ANXA8: variants seen among roughly 807,000 people sequenced by gnomAD.
ANXA8 encodes VAC-beta.
Under a neutral mutation model 26.8 loss-of-function variants are expected in ANXA8, and 9 were observed. The observed-to-expected ratio is 0.34, with a 90% CI of 0.20 to 0.59. ANXA8 has a LOEUF of 0.59. ANXA8 is among the 20% of genes least tolerant of loss of function. The pLI is 0.84. For missense variants in ANXA8, 83 were observed against 238.5 expected, an observed-to-expected ratio of 0.35 and a Z score of 4.29; for synonymous variants, 39 against 94.8, an observed-to-expected ratio of 0.41 and a Z score of 3.42.
chr10:47,618,935 C>T, the ANXA8 span, among the ~76,000 whole-genome samples: 2 of 115,132 alleles, frequency 1.7e-5, no homozygotes, highest in South Asian at 2.7e-4. Flanking sequence ...TACTAAGAAG[C>T]CCTCTTGCTT....
the ANXA8 span, among the ~76,000 whole-genome samples, chr10:47,619,196 G>T: frequency 8.9e-6 from 1 of 112,930 alleles, no homozygotes; most frequent in African/African-American, 3.4e-5. Context: ...GCAGTGCAAA[G>T]AATACTCTGT....
chr10:47,652,029 TGAAAGAAGCCAC>T, the ANXA8 span, among the ~76,000 whole-genome samples: 7 of 150,666 alleles, frequency 4.6e-5, no homozygotes, highest in Admixed American at 3.3e-4. Flanking sequence ...TTATGCTGAG[TGAAAGAAGCCAC>T]GAAAGATCAC....
At chr10:47,651,669 T>C in the ANXA8 span, among the ~76,000 whole-genome samples, 1 of 150,070 alleles carries the variant, frequency 6.7e-6, no homozygotes, top group Non-Finnish European at 1.5e-5. Context: ...CCGAGGCAGG[T>C]GGATCACCTG....
chr10:47,953,543 A>G, the ANXA8 span, among the ~76,000 whole-genome samples: 1 of 150,810 alleles, frequency 6.6e-6, no homozygotes, highest in Non-Finnish European at 1.5e-5. Flanking sequence ...TATACTTACT[A>G]TACAAACCAG....
At chr10:47,480,970 C>T (rs1378181826) in intron 1 of ANXA8, among the ~76,000 whole-genome samples, 2 of 113,698 alleles carry the variant, frequency 1.8e-5, no homozygotes, top group South Asian at 7.0e-4. Context: ...CTGTAAGTAT[C>T]TTTCCTTTGA....
chr10:47,594,845 GA>G, the ANXA8 span, among the ~76,000 whole-genome samples: 1 of 148,548 alleles, frequency 6.7e-6, no homozygotes, highest in African/African-American at 2.6e-5. Flanking sequence ...CATATCTGAG[GA>G]AAAAATTCAA....
chr10:47,558,105 A>C, the ANXA8 span, among the ~76,000 whole-genome samples: 1 of 151,964 alleles, frequency 6.6e-6, no homozygotes, highest in East Asian at 1.9e-4. Context: ...TTCTTTGGAA[A>C]CATCTGGATA....
At chr10:47,689,246 C>G in the ANXA8 span, among the ~76,000 whole-genome samples, 3 of 151,586 alleles carry the variant, frequency 2.0e-5, no homozygotes, top group African/African-American at 7.3e-5. Context: ...GTGGTGCAAT[C>G]TAGGCTCACT....
the ANXA8 span, among the ~76,000 whole-genome samples, chr10:47,733,149 CTTTCTTTCTTTCTTTCTTTCTTTCTT>C: frequency 4.8e-4 from 33 of 68,266 alleles, 1 homozygote; most frequent in African/African-American, 1.9e-3. Context: ...CCTAATCTTT[CTTTCTTTCTTTCTTTCTTTCTTTCTT>C]TCTTTCTTTC....
At chr10:47,651,437 A>G in the ANXA8 span, among the ~76,000 whole-genome samples, 1 of 151,466 alleles carries the variant, frequency 6.6e-6, no homozygotes. Context: ...AGTTAAACAT[A>G]CAGTTGCCAT....
chr10:47,636,803 A>G, the ANXA8 span, among the ~76,000 whole-genome samples: 1 of 151,992 alleles, frequency 6.6e-6, no homozygotes, highest in Non-Finnish European at 1.5e-5. Context: ...AGGCTTGTAA[A>G]CTGACTGTGG....
At chr10:47,579,263 C>A in the ANXA8 span, among the ~76,000 whole-genome samples, 1 of 71,096 alleles carries the variant, frequency 1.4e-5, no homozygotes, top group African/African-American at 3.8e-5. Flanking sequence ...ACCTCAGCCT[C>A]CTGAGTAGCT....
chr10:47,918,387 A>AGAGAGAGAGAGAAAGAAAGAG, the ANXA8 span, among the ~76,000 whole-genome samples: 1 of 13,292 alleles, frequency 7.5e-5, no homozygotes, highest in African/African-American at 7.2e-4. Flanking sequence ...GAGAGAGAGA[A>AGAGAGAGAGAGAAAGAAAGAG]AGAAAGAAAG....
the ANXA8 span, among the ~76,000 whole-genome samples, chr10:47,705,087 A>G: frequency 6.6e-6 from 1 of 152,010 alleles, no homozygotes; most frequent in East Asian, 1.9e-4. Context: ...TTTTCATGTA[A>G]TTTGATAAGA....
chr10:47,989,839 G>C, the ANXA8 span, among the ~76,000 whole-genome samples: 1 of 57,658 alleles, frequency 1.7e-5, no homozygotes, highest in African/African-American at 5.0e-5. Context: ...GTGCAGATGG[G>C]CCCTGCCTGC....
At chr10:47,743,371 C>CGT in the ANXA8 span, among the ~76,000 whole-genome samples, 2 of 48,554 alleles carry the variant, frequency 4.1e-5, no homozygotes, top group Admixed American at 5.7e-4. Flanking sequence ...TATATATATA[C>CGT]ATATATATGT....
the ANXA8 span, among the ~76,000 whole-genome samples, chr10:47,948,051 T>A: frequency 6.7e-6 from 1 of 150,060 alleles, no homozygotes; most frequent in Non-Finnish European, 1.5e-5. Flanking sequence ...GCAGGAGGAG[T>A]AAAGAAGCCC....
chr10:47,622,633 AGGGATGGCAT>A, the ANXA8 span, among the ~76,000 whole-genome samples: 1 of 90,634 alleles, frequency 1.1e-5, no homozygotes, highest in African/African-American at 4.9e-5. Context: ...ACTATTTGCC[AGGGATGGCAT>A]GAGCACCTTG....
At chr10:47,536,709 C>A in the ANXA8 span, among the ~76,000 whole-genome samples, 1 of 124,924 alleles carries the variant, frequency 8.0e-6, no homozygotes, top group Non-Finnish European at 1.6e-5. Context: ...GTAGTCCCAG[C>A]TACACAGGAC....
Sources: allele counts gnomAD v4.1 joint callset (sites outside exome capture counted in the v4.1 genomes callset), GRCh38; gene constraint gnomAD v4.1.1; transcripts MANE v1.5; gene names NCBI Gene and HGNC (gene_info 2026-07-23, HGNC 2026-07-21).